Variants in NAV3 observed in about 807,000 individuals in gnomAD.
NAV3 encodes the protein neuron navigator 3.
NAV3 carries 87 observed loss-of-function variants against 244.7 expected under a neutral mutation model. The observed-to-expected ratio is 0.36, with a 90% confidence interval of 0.30 to 0.42. The LOEUF (loss-of-function observed/expected upper bound fraction) is 0.42. Ranked by LOEUF, NAV3 falls within the 20% of genes least tolerant of loss-of-function variation. The pLI, the probability that NAV3 is intolerant of heterozygous loss-of-function variation, is 1.00. For missense variants in NAV3, 2,663 were observed against 2,893.3 expected, an observed-to-expected ratio of 0.92 and a Z score of 1.83; for synonymous variants, 1,126 against 1,042.2, an observed-to-expected ratio of 1.08 and a Z score of -1.55.
chr12:78,050,156 A>C (rs1467631115), intron 10 of NAV3, 55 bp downstream of exon 10: 33 of 1,243,476 alleles, frequency 2.7e-5, no homozygotes, highest in African/African-American at 6.1e-5. Flanking sequence ...AATTACAAAC[A>C]AACATTTAAC....
At chr12:78,169,733 C>G (rs568098997) in intron 24 of NAV3, among the ~76,000 whole-genome samples, 18 of 151,812 alleles carry the variant, frequency 1.2e-4, no homozygotes, top group Non-Finnish European at 2.5e-4. Flanking sequence ...TCCACCAAAA[C>G]AATGCTCTCC....
intron 2 of NAV3, among the ~76,000 whole-genome samples, chr12:77,714,430 G>T (rs778566442): frequency 6.6e-6 from 1 of 152,094 alleles, no homozygotes; most frequent in African/African-American, 2.4e-5. Context: ...TCTGGTTCCT[G>T]ATCTGTCTGA....
chr12:77,879,708 A>AAAAAAAC (rs1882379107), intron 1 of NAV3, among the ~76,000 whole-genome samples: 1 of 148,964 alleles, frequency 6.7e-6, no homozygotes, highest in Non-Finnish European at 1.5e-5. Context: ...AAAAAAAAAA[A>AAAAAAAC]GGAAATTATT....
chr12:78,148,801 A>T (rs2139223722), intron 21 of NAV3, 41 bp from the exon 22 acceptor site: 1 of 1,563,310 alleles, frequency 6.4e-7, no homozygotes. Context: ...TTAAGTAAAA[A>T]TCTACTTGCC....
chr12:77,880,700 G>A (rs183261521), intron 1 of NAV3, among the ~76,000 whole-genome samples: 224 of 152,104 alleles, frequency 1.5e-3, no homozygotes, highest in Non-Finnish European at 2.4e-3. Flanking sequence ...TCTTTTCTAC[G>A]TTCAGATATG....
intron 9 of NAV3, 88 bp downstream of exon 9, chr12:78,021,950 A>C: frequency 2.7e-6 from 2 of 740,554 alleles, no homozygotes; most frequent in South Asian, 4.0e-5. Context: ...TATGTGGTAT[A>C]CTGTTTTTAG....
intron 23 of NAV3, among the ~76,000 whole-genome samples, chr12:78,161,989 G>C (rs532416017): frequency 2.0e-5 from 3 of 152,218 alleles, no homozygotes; most frequent in African/African-American, 7.2e-5. Flanking sequence ...AGATTGTTAG[G>C]TGTGTTTTAT....
At chr12:77,848,017 C>A (rs1486524275) in intron 1 of NAV3, among the ~76,000 whole-genome samples, 1 of 152,206 alleles carries the variant, frequency 6.6e-6, no homozygotes, top group Non-Finnish European at 1.5e-5. Context: ...TTGCTACTCT[C>A]TCCAAAAGAC....
intron 1 of NAV3, among the ~76,000 whole-genome samples, chr12:77,919,102 A>G (rs1215895529): frequency 6.6e-6 from 1 of 152,074 alleles, no homozygotes; most frequent in Non-Finnish European, 1.5e-5. Flanking sequence ...ATAGAGGAAG[A>G]ATTAGAAACT....
At chr12:77,975,252 C>T (rs1042511748) in intron 5 of NAV3, among the ~76,000 whole-genome samples, 1 of 152,050 alleles carries the variant, frequency 6.6e-6, no homozygotes, top group South Asian at 2.1e-4. Context: ...TATTTCTCTC[C>T]ACCCTCATTA....
chr12:78,162,084 G>A (rs393082), intron 23 of NAV3, among the ~76,000 whole-genome samples: 6,959 of 152,198 alleles, frequency 0.046, 194 homozygotes, highest in Non-Finnish European at 0.072. Flanking sequence ...TATTGCCAAG[G>A]TTTTTAAATT....
At chr12:77,584,600 C>T (rs1869515797) in intron 2 of NAV3, among the ~76,000 whole-genome samples, 1 of 152,120 alleles carries the variant, frequency 6.6e-6, no homozygotes, top group South Asian at 2.1e-4. Flanking sequence ...TCCATTGACT[C>T]TCCATATCCT....
At chr12:77,993,075 T>C (rs1321355702) in intron 5 of NAV3, among the ~76,000 whole-genome samples, 6 of 152,192 alleles carry the variant, frequency 3.9e-5, no homozygotes, top group Non-Finnish European at 7.3e-5. Context: ...GACCATAAAA[T>C]GAAATTGATT....
chr12:77,747,092 A>G (rs1868584659), intron 2 of NAV3, among the ~76,000 whole-genome samples: 1 of 152,156 alleles, frequency 6.6e-6, no homozygotes, highest in Admixed American at 6.6e-5. Context: ...ATTATAATGT[A>G]CATTTACGTA....
intron 2 of NAV3, among the ~76,000 whole-genome samples, chr12:77,664,873 T>C (rs1873645651): frequency 6.6e-6 from 1 of 152,194 alleles, no homozygotes; most frequent in Non-Finnish European, 1.5e-5. Flanking sequence ...CAACACATTA[T>C]TTTTGTACAG....
chr12:77,843,406 T>A (rs530630453), intron 1 of NAV3, among the ~76,000 whole-genome samples: 63 of 152,092 alleles, frequency 4.1e-4, no homozygotes, highest in Admixed American at 9.2e-4. Flanking sequence ...TTTGTGTGTG[T>A]GTGTGTGTGT....
chr12:77,933,942 G>T (rs1422378686), intron 1 of NAV3, among the ~76,000 whole-genome samples: 1 of 152,134 alleles, frequency 6.6e-6, no homozygotes, highest in Non-Finnish European at 1.5e-5. Flanking sequence ...TAAAACTGTG[G>T]TGTACAAAAT....
intron 7 of NAV3, 76 bp downstream of exon 7, chr12:77,998,552 G>T (rs918324521): frequency 1.4e-6 from 2 of 1,450,514 alleles, no homozygotes; most frequent in Non-Finnish European, 1.8e-6. Context: ...TAATATTTGA[G>T]CAGCGTAACA....
chr12:78,022,866 A>T (rs1007340313), intron 9 of NAV3, among the ~76,000 whole-genome samples: 1 of 152,172 alleles, frequency 6.6e-6, no homozygotes, highest in African/African-American at 2.4e-5. Flanking sequence ...ACATTTTGGA[A>T]TCAGCATTAG....
Sources: gnomAD v4.1 joint callset for allele counts (sites outside exome capture counted in the v4.1 genomes callset) on GRCh38, gnomAD v4.1.1 for gene constraint, MANE v1.5 for transcripts, NCBI Gene and HGNC (gene_info 2026-07-23, HGNC 2026-07-21) for gene names.